The following ADGRL2 variants were observed in gnomAD, a reference collection of about 807,000 sequenced individuals.
ADGRL2 encodes the protein calcium-independent alpha-latrotoxin receptor 2.
In ADGRL2, 44 loss-of-function variants were observed where a neutral mutation model predicts 157.4. The ratio of observed to expected loss-of-function variants is 0.28; its 90% CI spans 0.22 to 0.36. ADGRL2 has a LOEUF of 0.36. Ranked by LOEUF, ADGRL2 falls within the 10% of genes least tolerant of loss-of-function variation. The pLI is 1.00. For synonymous variants in ADGRL2, 585 were observed against 624.7 expected, an observed-to-expected ratio of 0.94 and a Z score of 0.95; for missense variants, 1,510 against 1,768.9, an observed-to-expected ratio of 0.85 and a Z score of 2.63.
chr1:81,761,106 A>T (rs2149306216), intron 1 of ADGRL2, among the ~76,000 whole-genome samples: 1 of 152,038 alleles, frequency 6.6e-6, no homozygotes, highest in African/African-American at 2.4e-5. Context: ...CCAACTTTTT[A>T]ATTTGGGAAC....
chr1:81,886,553 CCTT>C (rs1357478909), intron 2 of ADGRL2, among the ~76,000 whole-genome samples: 1 of 152,110 alleles, frequency 6.6e-6, no homozygotes, highest in Non-Finnish European at 1.5e-5. Flanking sequence ...CGAAAGTTCA[CCTT>C]CTTAGAGTGA....
chr1:81,654,092 C>T lies in ADGRL2; in HGVS notation c.-143+73112C>T, dbSNP rs1222927385. 6.6e-5 allele frequency among the ~76,000 whole-genome samples: 10 copies of T among 152,076 alleles called. No homozygotes were observed. The East Asian group carries it at 9.7e-4, about 15-fold the overall frequency. ...TCCCAAGTAGCTGGGACTACAGGGG[C>T]GTGCCACCACACCCAGCTAATTTTT... On this transcript the variant is annotated intron_variant, in intron 3 of 24. Coordinates refer to the ADGRL2 transcript ENST00000370721.
chr1:81,653,693 G>A (rs184358719), intron 3 of ADGRL2, among the ~76,000 whole-genome samples: 100 of 152,184 alleles, frequency 6.6e-4, no homozygotes, highest in Admixed American at 1.6e-3. Flanking sequence ...GTACAGAAGC[G>A]TGTGAAAAGA....
chr1:81,413,210 G>A (rs4650543), intron 1 of ADGRL2, among the ~76,000 whole-genome samples: 150,535 of 152,246 alleles, frequency 0.99, 74,445 homozygotes, highest in East Asian at 1. Context: ...TAGAACCCCT[G>A]CTAGATTTAG....
chr1:81,634,521 T>TTTG, intron 3 of ADGRL2, among the ~76,000 whole-genome samples: 1 of 147,462 alleles, frequency 6.8e-6, no homozygotes. Flanking sequence ...TGTTTTTTTT[T>TTTG]TTTTGGTTTT....
chr1:81,474,321 A>G (rs773420545), intron 2 of ADGRL2, among the ~76,000 whole-genome samples: 1 of 152,170 alleles, frequency 6.6e-6, no homozygotes, highest in Non-Finnish European at 1.5e-5. Flanking sequence ...ATTGTTGTAT[A>G]TCTTTTGTGT....
chr1:81,658,928 T>C (rs2082593160), intron 3 of ADGRL2, among the ~76,000 whole-genome samples: 1 of 152,024 alleles, frequency 6.6e-6, no homozygotes, highest in African/African-American at 2.4e-5. Context: ...ATTTTTGTAT[T>C]TTTAGTAGAG....
intron 1 of ADGRL2, among the ~76,000 whole-genome samples, chr1:81,406,298 C>T (rs868280068): frequency 6.6e-6 from 1 of 152,158 alleles, no homozygotes; most frequent in Non-Finnish European, 1.5e-5. Context: ...TGAGATAAGG[C>T]GTGAACTGAG....
chr1:81,937,785 A>G (rs1483229966), intron 4 of ADGRL2, among the ~76,000 whole-genome samples: 2 of 151,836 alleles, frequency 1.3e-5, no homozygotes, highest in Non-Finnish European at 2.9e-5. Flanking sequence ...GATTTGCCAA[A>G]TAATGAAACT....
intron 1 of ADGRL2, among the ~76,000 whole-genome samples, chr1:81,805,038 T>C (rs1231583529): frequency 6.6e-6 from 1 of 152,242 alleles, no homozygotes; most frequent in Admixed American, 6.5e-5. Context: ...TTGTGAATTC[T>C]ATTTAAATAG....
At chr1:81,383,826 A>AAGT (rs2076387061) in intron 1 of ADGRL2, among the ~76,000 whole-genome samples, 1 of 109,834 alleles carries the variant, frequency 9.1e-6, no homozygotes, top group Non-Finnish European at 2.2e-5. Context: ...AAAAAAAAAA[A>AAGT]GAGAGCCGGG....
intron 2 of ADGRL2, among the ~76,000 whole-genome samples, chr1:81,474,165 G>A (rs965471285): frequency 6.6e-6 from 1 of 152,176 alleles, no homozygotes; most frequent in Admixed American, 6.5e-5. Context: ...GGATAGAATG[G>A]GATTTTGTAA....
chr1:81,569,031 C>A (rs893235214), intron 2 of ADGRL2, among the ~76,000 whole-genome samples: 5 of 152,122 alleles, frequency 3.3e-5, no homozygotes, highest in South Asian at 2.1e-4. Context: ...AATAAAAATT[C>A]TTTAAATTTC....
At chr1:81,695,096 A>C (rs1308044102), upstream of ADGRL2, among the ~76,000 whole-genome samples, 6 of 152,122 alleles carry the variant, frequency 3.9e-5, no homozygotes, top group Non-Finnish European at 8.8e-5. Context: ...TATAAAATTC[A>C]GATGAAACTG....
Position 81,938,133 on chromosome 1 carries a change from T to G in ADGRL2, c.397+1296T>G, listed in dbSNP as rs910152917. On this transcript the variant is annotated intron_variant, in intron 4 of 23. Transcript: ENST00000686636. Reference sequence around the variant, plus strand: ...TGGAAGCCTACTGAGTACACTGATCTTTATATCATTTCTCCTGTGTAGTGT... The same window carrying G: ...TGGAAGCCTACTGAGTACACTGATCGTTATATCATTTCTCCTGTGTAGTGT... Among the ~76,000 whole-genome samples the G allele has an allele frequency of 1.3e-4, 20 of 151,790 alleles. 1 individual carries two copies. The highest frequency in any genetic ancestry group is 6.6e-4 in the Admixed American group (10 of 15,186).
chr1:81,936,700 C>A (rs754238181), intron 3 of ADGRL2, 28 bp from the exon 4 acceptor site: 47 of 1,199,710 alleles, frequency 3.9e-5, no homozygotes, highest in Middle Eastern at 2.2e-4. Context: ...AATTATGTTA[C>A]ACAAGTTTGA....
chr1:81,351,734 CT>C (rs1394865530), intron 1 of ADGRL2, among the ~76,000 whole-genome samples: 1 of 152,164 alleles, frequency 6.6e-6, no homozygotes, highest in Non-Finnish European at 1.5e-5. Flanking sequence ...GTTTTTAGTG[CT>C]TACATTTTCT....
intron 3 of ADGRL2, among the ~76,000 whole-genome samples, chr1:81,659,947 C>T (rs1174555943): frequency 6.6e-6 from 1 of 152,014 alleles, no homozygotes; most frequent in Admixed American, 6.6e-5. Context: ...CAAAGAAAAC[C>T]ATTATTTCAA....
At chr1:81,395,498 C>T (rs2076639368) in intron 1 of ADGRL2, among the ~76,000 whole-genome samples, 1 of 152,124 alleles carries the variant, frequency 6.6e-6, no homozygotes, top group South Asian at 2.1e-4. Flanking sequence ...TGCTAGTTGT[C>T]TCTTCACTTG....
Sources: gnomAD v4.1 joint callset for allele counts (sites outside exome capture counted in the v4.1 genomes callset) on GRCh38, gnomAD v4.1.1 for gene constraint, MANE v1.5 for transcripts, NCBI Gene and HGNC (gene_info 2026-07-23, HGNC 2026-07-21) for gene names.